Variants in SCAF4 observed in about 807,000 individuals in gnomAD.
SCAF4 encodes the protein SR-related and CTD-associated factor 4.
Under a neutral mutation model 129.8 loss-of-function variants are expected in SCAF4, and 25 were observed. The observed-to-expected ratio is 0.19, with a 90% CI of 0.14 to 0.27. SCAF4 has a LOEUF of 0.27. Ranked by LOEUF, SCAF4 falls within the 10% of genes least tolerant of loss-of-function variation. The pLI is 1.00. For missense variants in SCAF4, 1,246 were observed against 1,457.1 expected (o/e 0.86, Z 2.36); for synonymous variants, 551 against 497.7 (o/e 1.11, Z -1.43).
intron 11 of SCAF4, among the ~76,000 whole-genome samples, chr21:31,693,802 C>A (rs1355940209): frequency 6.6e-6 from 1 of 152,108 alleles, no homozygotes; most frequent in Non-Finnish European, 1.5e-5. Context: ...ACTACTGTTA[C>A]CTATCTTCTT....
chr21:31,673,701 C>T (rs1399182297), intron 19 of SCAF4, among the ~76,000 whole-genome samples: 1 of 152,236 alleles, frequency 6.6e-6, no homozygotes, highest in Non-Finnish European at 1.5e-5. Flanking sequence ...CATGTCCTTG[C>T]TTTCACTTTG....
chr21:31,717,680 C>A (rs2050951049), intron 1 of SCAF4, among the ~76,000 whole-genome samples: 1 of 151,596 alleles, frequency 6.6e-6, no homozygotes, highest in African/African-American at 2.4e-5. Context: ...TTTAATAAAG[C>A]CTTTCAAAAT....
chr21:31,693,250 A>G (rs373925501), intron 12 of SCAF4, 44 bp downstream of exon 12: 17 of 1,316,034 alleles, frequency 1.3e-5, no homozygotes, highest in Non-Finnish European at 1.6e-5. Flanking sequence ...AACCCAAGAC[A>G]TGAAAAAATA....
chr21:31,718,239 C>A (rs999528460), intron 1 of SCAF4, among the ~76,000 whole-genome samples: 2 of 150,496 alleles, frequency 1.3e-5, no homozygotes, highest in Admixed American at 6.6e-5. Flanking sequence ...AGGCACTGTG[C>A]CAGGCCTATA....
intron 19 of SCAF4, among the ~76,000 whole-genome samples, chr21:31,675,754 A>G (rs565378569): frequency 5.3e-5 from 8 of 152,328 alleles, no homozygotes; most frequent in Middle Eastern, 3.4e-3. Context: ...GAATCTGTAA[A>G]TATTTCCTAT....
intron 7 of SCAF4, among the ~76,000 whole-genome samples, chr21:31,699,393 T>C (rs1216130606): frequency 6.6e-6 from 1 of 152,036 alleles, no homozygotes; most frequent in East Asian, 1.9e-4. Context: ...AATATGTGAG[T>C]TTATGTTCGT....
At chr21:31,727,076 G>T (rs1313307934) in intron 1 of SCAF4, among the ~76,000 whole-genome samples, 1 of 151,480 alleles carries the variant, frequency 6.6e-6, no homozygotes, top group Admixed American at 6.6e-5. Context: ...CACTATTTTT[G>T]TACTTTTTTT....
intron 1 of SCAF4, among the ~76,000 whole-genome samples, chr21:31,723,183 CG>C (rs965532709): frequency 2.6e-5 from 4 of 152,080 alleles, no homozygotes; most frequent in African/African-American, 9.7e-5. Context: ...AACTGTCTAC[CG>C]AACACAAATA....
rs1430529606 is a variant in SCAF4, at chr21:31,688,472, C to T, written c.1886-8G>A. On this transcript the variant is annotated splice_polypyrimidine_tract_variant and splice_region_variant and intron_variant, in intron 15 of 19. Transcript: ENST00000286835. ...TAGGAATTCCTTTCCAATCTGTGAG[C>T]GTGAAAGAAATTTAACAAGAGTTTA... The T allele has an allele frequency of 7.5e-6, 12 of 1,608,460 alleles. No homozygotes were observed. The East Asian group carries it at 1.1e-4, about 15-fold the overall frequency.
chr21:31,714,986 C>T (rs527251805), intron 1 of SCAF4, among the ~76,000 whole-genome samples: 3 of 152,288 alleles, frequency 2.0e-5, no homozygotes, highest in South Asian at 2.1e-4. Context: ...GGACAGGGTC[C>T]GGACGTAGTC....
chr21:31,708,501 CTG>C (rs1198138805), intron 1 of SCAF4, among the ~76,000 whole-genome samples: 3 of 152,094 alleles, frequency 2.0e-5, no homozygotes, highest in African/African-American at 7.2e-5. Flanking sequence ...AATATCAACA[CTG>C]TATGATTTAT....
intron 1 of SCAF4, among the ~76,000 whole-genome samples, chr21:31,711,093 T>A (rs2050789390): frequency 6.6e-6 from 1 of 152,220 alleles, no homozygotes; most frequent in Non-Finnish European, 1.5e-5. Flanking sequence ...TATAGGCATG[T>A]GCCACCCCAC....
Position 31,722,884 on chromosome 21 carries a change from C to T in SCAF4, c.30+8779G>A, listed in dbSNP as rs151219605. Among the ~76,000 whole-genome samples, 450 of 152,182 alleles carry T rather than the reference C, an allele frequency of 3.0e-3. 2 individuals carry two copies. The highest frequency in any genetic ancestry group is 9.9e-3 in the African/African-American group (412 of 41,514). On this transcript the variant is annotated intron_variant, in intron 1 of 19. Transcript: ENST00000286835. ...AAGGAAACCGCTTGAACCCAGGAGG[C>T]GGAGGTTGCAGTGAGCTGCGATTGC...
chr21:31,723,452 C>CA (rs200024167), intron 1 of SCAF4, among the ~76,000 whole-genome samples: 21,394 of 150,880 alleles, frequency 0.14, 1,812 homozygotes, highest in Middle Eastern at 0.2. Context: ...CACTCCGTCT[C>CA]AAAAAAAACA....
intron 3 of SCAF4, among the ~76,000 whole-genome samples, chr21:31,704,929 C>T (rs2050620872): frequency 6.6e-6 from 1 of 152,130 alleles, no homozygotes; most frequent in Non-Finnish European, 1.5e-5. Flanking sequence ...CATGTCACAG[C>T]TCCAGGTCAG....
At chr21:31,699,556 C>T (rs943437292) in intron 7 of SCAF4, among the ~76,000 whole-genome samples, 1 of 150,690 alleles carries the variant, frequency 6.6e-6, no homozygotes, top group Non-Finnish European at 1.5e-5. Flanking sequence ...AAAATGTATC[C>T]AACTTTTGTT....
chr21:31,693,455 C>G lies in SCAF4; in HGVS notation c.1352G>C (p.Gly451Ala). The change falls in exon 12 of 20, where the codon GGT (glycine) becomes GCT (alanine). Residue 451 changes from glycine (G) to alanine (A), a missense_variant. This residue lies in a region of SCAF4 where 468 missense variants were observed against 605.5 expected (regional missense o/e 0.77). Transcript: ENST00000286835. ...RSPKRRRSRS[G>A]SRSRRSRHRR... is the part of the protein sequence containing the mutation. ...ATGCCGAGACCTTCGAGATCTAGAA[C>G]CAGATCTAGATCGCCTCCTTTTTGG... 1 of 1,535,150 alleles carries G rather than the reference C, an allele frequency of 6.5e-7. No individual in the cohort carries two copies. The highest frequency in any genetic ancestry group is 8.9e-7 in the Non-Finnish European group (1 of 1,127,658).
chr21:31,701,242 A>C (rs2050524402), intron 6 of SCAF4, 71 bp from the exon 7 acceptor site: 1 of 1,371,526 alleles, frequency 7.3e-7, no homozygotes, highest in South Asian at 1.6e-5. Flanking sequence ...AATTTAATAA[A>C]AAAATGTCTT....
chr21:31,720,753 G>A (rs972532869), intron 1 of SCAF4, among the ~76,000 whole-genome samples: 2 of 152,164 alleles, frequency 1.3e-5, no homozygotes, highest in African/African-American at 2.4e-5. Context: ...GGCAAATGCA[G>A]GATTCTTTTC....
Sources: gnomAD v4.1 joint callset for allele counts (sites outside exome capture counted in the v4.1 genomes callset) on GRCh38, gnomAD v4.1.1 for gene constraint, gnomAD v4.1.1 regional missense constraint, MANE v1.5 for transcripts, NCBI Gene and HGNC (gene_info 2026-07-23, HGNC 2026-07-21) for gene names.